Variants in NOTCH2 observed in about 807,000 individuals in gnomAD.
The protein encoded by NOTCH2 is neurogenic locus notch homolog protein 2.
In NOTCH2, 29 loss-of-function variants were observed where a neutral mutation model predicts 235.8. The observed-to-expected ratio is 0.12, with a 90% CI of 0.09 to 0.17. The LOEUF (loss-of-function observed/expected upper bound fraction) is 0.17. NOTCH2 is among the 10% of genes least tolerant of loss of function. The pLI is 1.00. For synonymous variants in NOTCH2, 1,086 were observed against 1,141.5 expected (o/e 0.95, Z 0.98); for missense variants, 2,285 against 3,150.2 (o/e 0.73, Z 6.57).
chr1:119,929,420 T>C (rs1211954301), intron 22 of NOTCH2, among the ~76,000 whole-genome samples: 1 of 152,160 alleles, frequency 6.6e-6, no homozygotes, highest in Admixed American at 6.5e-5. Flanking sequence ...GGAAAGAACA[T>C]ACTAGGGCTC....
In NOTCH2 at chr1:119,916,484, G is replaced by A. The variant is rs1319173927; in HGVS notation, c.6238C>T (p.Leu2080Phe). The part of the protein sequence containing the change: ...SPPGTVLTSA[L>F]SPVICGPNRS... ...TTGGGCCCACAGATGACAGGTGAGA[G>A]AGCAGAAGTCAACACGGTGCCTGGA... Residue 2080 changes from leucine to phenylalanine, a missense_variant, in exon 34 of 34, where the codon CTC becomes TTC. Leu to Phe is a conservative substitution (Grantham distance 22). Around this residue, in one of 6 missense-constraint regions of NOTCH2, gnomAD observed 504 missense variants for 538.0 expected, o/e 0.94. Coordinates refer to ENST00000256646, the MANE Select transcript of NOTCH2 (RefSeq NM_024408.4). 1 of 1,612,646 alleles carries A rather than the reference G, an allele frequency of 6.2e-7. No individual in the cohort carries two copies. Among genetic ancestry groups the A allele is most frequent in the Non-Finnish European group, 8.5e-7 (1 of 1,178,710 alleles).
chr1:119,957,771 G>A (rs1650759651), intron 12 of NOTCH2, among the ~76,000 whole-genome samples: 2 of 150,830 alleles, frequency 1.3e-5, no homozygotes. Context: ...ATTAAAAAGA[G>A]AAAGAATATG....
intron 1 of NOTCH2, chr1:120,069,095 G>A: frequency 1.3e-6 from 2 of 1,506,042 alleles, no homozygotes; most frequent in Non-Finnish European, 8.9e-7. Flanking sequence ...TGCCGAGGAG[G>A]CGTGTAAGGG....
Position 119,925,798 on chromosome 1 carries a change from C to A in NOTCH2, c.4018G>T (p.Ala1340Ser). ...ICRCPPGFSG[A>S]RCQSSCGQVK... is the part of the protein sequence containing the mutation. ...TGTCCACAGCTGCTCTGGCACCTTG[C>A]CCCGGAAAATCCCTGTGGAAATCAG... Residue 1340 changes from alanine to serine, a missense_variant, in exon 25 of 34, where the codon GCA (alanine) becomes TCA (serine). This residue lies in a region of NOTCH2 where 1,173 missense variants were observed against 1,515.3 expected (regional missense o/e 0.77). Coordinates refer to ENST00000256646, the MANE Select transcript of NOTCH2 (RefSeq NM_024408.4). The A allele has an allele frequency of 6.2e-7, 1 of 1,614,086 alleles. No individual in the cohort carries two copies. Among genetic ancestry groups the A allele is most frequent in the East Asian group, 2.2e-5 (1 of 44,878 alleles).
intron 5 of NOTCH2, among the ~76,000 whole-genome samples, chr1:119,977,039 T>C (rs1447962621): frequency 2.0e-5 from 3 of 152,078 alleles, no homozygotes; most frequent in Non-Finnish European, 4.4e-5. Flanking sequence ...AATTATATTG[T>C]CTATGCCTGT....
At chr1:119,929,948 A>G (rs1649597276) in intron 22 of NOTCH2, among the ~76,000 whole-genome samples, 1 of 152,180 alleles carries the variant, frequency 6.6e-6, no homozygotes, top group African/African-American at 2.4e-5. Flanking sequence ...TAAATCTTCT[A>G]CTGTACCTCT....
chr1:119,968,177 T>A lies in NOTCH2; in HGVS notation c.1164A>T (p.Ala388=). Residue 388 remains alanine, a synonymous_variant, in exon 7 of 34, where the codon GCA becomes GCT. Transcript: ENST00000256646. ...CATTTAGGGGGTTGGTGTCACACAGTGCCCCCTTGTGGCAAGGATTGCTGA... is the reference window on the plus strand; with the variant it reads ...CATTTAGGGGGTTGGTGTCACACAGAGCCCCCTTGTGGCAAGGATTGCTGA... The part of the protein sequence containing the change: ...ACISNPCHKG[A]LCDTNPLNGQ... 1 of 1,614,020 alleles carries A rather than the reference T, an allele frequency of 6.2e-7. No homozygotes were observed.
At chr1:120,062,638 C>G (rs2101430026) in intron 1 of NOTCH2, among the ~76,000 whole-genome samples, 1 of 95,782 alleles carries the variant, frequency 1.0e-5, no homozygotes, top group East Asian at 2.3e-4. Context: ...ATATTTTCTA[C>G]TTGGTCAATG....
chr1:119,937,453 T>A lies in NOTCH2; in HGVS notation c.3351A>T (p.Glu1117Asp). 6.2e-7 allele frequency: 1 copy of A among 1,613,570 alleles called. No homozygotes were observed. Among genetic ancestry groups the A allele is most frequent in the South Asian group, 1.1e-5 (1 of 91,036 alleles). The stretch of plus-strand genomic sequence containing the variant: ...AGACACCTGAGTGCTGGCACAAGTG[T>A]TCAACAAGCACACCTGGGAAACCCA... The part of the protein sequence containing the change: ...IAASRRGVLV[E>D]HLCQHSGVCI... Residue 1117 changes from glutamate to aspartate, a missense_variant, in exon 21 of 34, where the codon GAA becomes GAT. By Grantham distance (45) the Glu-to-Asp change is conservative. Transcript: ENST00000256646.
chr1:119,963,634 C>A lies in NOTCH2; in HGVS notation c.1855G>T (p.Asp619Tyr). 1.2e-6 allele frequency: 2 copies of A among 1,614,154 alleles called. No homozygotes were observed. The highest frequency in any genetic ancestry group is 2.2e-5 in the East Asian group (1 of 44,884). ...TTGACCAGGTCAATGCAGCGACCAT[C>A]GTTCAGGCAAGGGCTGCTGTAACAT... is the stretch of plus-strand genomic sequence containing the variant. ...DECYSSPCLN[D>Y]GRCIDLVNGY... Residue 619 changes from aspartate (D) to tyrosine (Y), a missense_variant, in exon 11 of 34, where the codon GAT (aspartate) becomes TAT (tyrosine). Asp to Tyr is a radical substitution (Grantham distance 160). Coordinates refer to ENST00000256646, the MANE Select transcript of NOTCH2 (RefSeq NM_024408.4).
At chr1:119,932,506 G>A (rs587767014) in intron 22 of NOTCH2, among the ~76,000 whole-genome samples, 5 of 152,250 alleles carry the variant, frequency 3.3e-5, no homozygotes, top group African/African-American at 9.6e-5. Flanking sequence ...AAAATCACTC[G>A]AACCCAGGAG....
At chr1:120,018,611 AC>A (rs1553208483) in intron 2 of NOTCH2, among the ~76,000 whole-genome samples, 1 of 144,978 alleles carries the variant, frequency 6.9e-6, no homozygotes, top group African/African-American at 2.6e-5. Flanking sequence ...GAATTGTTCC[AC>A]AACTCACACT....
intron 29 of NOTCH2, 133 bp from the exon 30 acceptor site, chr1:119,920,530 G>A: frequency 1.0e-6 from 1 of 1,001,772 alleles, no homozygotes; most frequent in South Asian, 1.3e-5. Context: ...CACCCCTCCA[G>A]AGGATTACCT....
intron 22 of NOTCH2, among the ~76,000 whole-genome samples, chr1:119,932,607 A>ATTATC (rs782433616): frequency 2.0e-5 from 3 of 148,344 alleles, no homozygotes; most frequent in Non-Finnish European, 4.5e-5. Context: ...AAACAAACAA[A>ATTATC]TATCTATCTA....
chr1:119,969,266 T>C (rs1651270831), intron 6 of NOTCH2, among the ~76,000 whole-genome samples: 1 of 152,246 alleles, frequency 6.6e-6, no homozygotes, highest in Admixed American at 6.5e-5. Context: ...CAATAGTTAC[T>C]AACTTTCCTT....
In NOTCH2 at chr1:119,920,224, C is replaced by A. The variant is rs1247361436; in HGVS notation, c.5479+5G>T. 1 of 1,613,936 alleles carries A rather than the reference C, an allele frequency of 6.2e-7. No individual in the cohort carries two copies. The highest frequency in any genetic ancestry group is 8.5e-7 in the Non-Finnish European group (1 of 1,179,918). On this transcript the variant is annotated splice_donor_5th_base_variant and intron_variant, in intron 30 of 33. Transcript: ENST00000256646. Reference sequence around the variant, plus strand: ...AGTGAAGAGGGGAAGAGGCCCGGTGCTGACCTGGGCCACGGACATTCACAT... The same window carrying A: ...AGTGAAGAGGGGAAGAGGCCCGGTGATGACCTGGGCCACGGACATTCACAT...
intron 1 of NOTCH2, among the ~76,000 whole-genome samples, chr1:120,067,747 G>A (rs1359141680): frequency 3.9e-5 from 6 of 152,136 alleles, no homozygotes; most frequent in African/African-American, 1.4e-4. Context: ...CATCATATAT[G>A]CTCTTTATTA....
chr1:120,023,955 T>C (rs1653741144), intron 2 of NOTCH2, among the ~76,000 whole-genome samples: 1 of 152,078 alleles, frequency 6.6e-6, no homozygotes, highest in African/African-American at 2.4e-5. Context: ...ATAAATAGCA[T>C]GCAATAAATA....
At chr1:120,000,532 C>CAA (rs1183950511) in intron 3 of NOTCH2, among the ~76,000 whole-genome samples, 1,265 of 34,692 alleles carry the variant, frequency 0.036, 6 homozygotes, top group East Asian at 0.12. Context: ...TACTCCATCT[C>CAA]AAAAAAAAAA....
Sources: gnomAD v4.1 joint callset for allele counts (sites outside exome capture counted in the v4.1 genomes callset) on GRCh38, gnomAD v4.1.1 for gene constraint, gnomAD v4.1.1 regional missense constraint, MANE v1.5 for transcripts, NCBI Gene and HGNC (gene_info 2026-07-23, HGNC 2026-07-21) for gene names.